Variants in CDRT4 observed in about 807,000 individuals in gnomAD.
CDRT4 encodes CMT1A duplicated region transcript 4 protein.
For missense variants in CDRT4, 167 were observed against 193.1 expected (o/e 0.87, Z 0.80); for synonymous variants, 64 against 69.6 (o/e 0.92, Z 0.40).
At chr17:15,456,846 G>A (rs765866521) in intron 1 of CDRT4, among the ~76,000 whole-genome samples, 13 of 152,036 alleles carry the variant, frequency 8.6e-5, no homozygotes, top group Non-Finnish European at 1.6e-4. Flanking sequence ...ATTGTGCATG[G>A]TGGACCCAAA....
chr17:15,456,674 A>T (rs1396626964), intron 1 of CDRT4, among the ~76,000 whole-genome samples: 1 of 152,068 alleles, frequency 6.6e-6, no homozygotes, highest in Non-Finnish European at 1.5e-5. Flanking sequence ...CACCTGTCAC[A>T]TGCCTGACTT....
intron 1 of CDRT4, among the ~76,000 whole-genome samples, chr17:15,463,614 C>T (rs902346041): frequency 6.6e-6 from 1 of 152,150 alleles, no homozygotes; most frequent in Non-Finnish European, 1.5e-5. Context: ...TTGACTTTCC[C>T]GGCACATTCC....
chr17:15,465,308 CACAG>C (rs962899329), intron 1 of CDRT4, among the ~76,000 whole-genome samples: 6 of 147,424 alleles, frequency 4.1e-5, no homozygotes, highest in South Asian at 2.3e-4. Flanking sequence ...CACACCAACA[CACAG>C]ACACACACAA....
At chr17:15,452,873 T>C (rs1194663086) in intron 2 of CDRT4, 131 bp downstream of exon 2, 2 of 152,106 alleles carry the variant, frequency 1.3e-5, no homozygotes, top group Admixed American at 6.5e-5. Flanking sequence ...TCTCTTTCTC[T>C]TTCTCTCTCT....
At chr17:15,456,342 T>C (rs1979480353) in intron 1 of CDRT4, among the ~76,000 whole-genome samples, 1 of 152,174 alleles carries the variant, frequency 6.6e-6, no homozygotes. Context: ...GTTAGGGTAC[T>C]TGCCTTACAC....
intron 2 of CDRT4, among the ~76,000 whole-genome samples, chr17:15,445,508 CTCAT>C (rs1317336080): frequency 6.6e-6 from 1 of 152,228 alleles, no homozygotes; most frequent in African/African-American, 2.4e-5. Flanking sequence ...CAAGGAATCA[CTCAT>C]TCATTCATTC....
intron 2 of CDRT4, among the ~76,000 whole-genome samples, chr17:15,448,002 G>A (rs1979101244): frequency 6.6e-6 from 1 of 152,270 alleles, no homozygotes; most frequent in African/African-American, 2.4e-5. Context: ...CTCCTGAGCA[G>A]TGTGACTATT....
At chr17:15,453,553 A>T (rs147548008) in intron 1 of CDRT4, among the ~76,000 whole-genome samples, 2 of 152,188 alleles carry the variant, frequency 1.3e-5, no homozygotes, top group African/African-American at 4.8e-5. Context: ...TCCCCAACAA[A>T]GGCCTGGCCT....
Position 15,437,251 on chromosome 17 carries a change from C to T in CDRT4, c.*522G>A, listed in dbSNP as rs967732543. On this transcript the variant is annotated 3_prime_UTR_variant, in exon 4 of 4. Coordinates refer to ENST00000619038, the MANE Select transcript of CDRT4 (RefSeq NM_001204477.2). ...GCTGCATTGAGTGGCATCCCCACTC[C>T]CCCACCTCAGAAGTCTGAGATTCAG... 1 of 163,146 alleles carries T rather than the reference C, an allele frequency of 6.1e-6. No homozygotes were observed. Among genetic ancestry groups the T allele is most frequent in the African/African-American group, 2.4e-5 (1 of 41,548 alleles). 10.1% of individuals were successfully genotyped at this position (163,146 alleles called of 1,614,324 possible). A position where few individuals can be genotyped will look rare whatever the true frequency, so the allele number is the denominator to read the frequency against.
At chr17:15,439,619 T>C (rs191993116) in intron 3 of CDRT4, among the ~76,000 whole-genome samples, 2 of 152,336 alleles carry the variant, frequency 1.3e-5, no homozygotes, top group Admixed American at 6.5e-5. Context: ...CTGAACATGC[T>C]GTGTTCTCTG....
chr17:15,467,064 G>A (rs1349898389), intron 1 of CDRT4, among the ~76,000 whole-genome samples: 2 of 151,316 alleles, frequency 1.3e-5, no homozygotes, highest in Non-Finnish European at 2.9e-5. Context: ...CACCCCCAGG[G>A]GATGGGGGGG....
At chr17:15,439,125 A>C (rs1978636889) in intron 3 of CDRT4, 1 of 456,024 alleles carries the variant, frequency 2.2e-6, no homozygotes, top group Admixed American at 2.3e-5. Context: ...GAAATGATTC[A>C]ATTTCTCTCC....
At chr17:15,438,236 A>C in intron 3 of CDRT4, 36 bp from the exon 4 acceptor site, 1 of 1,591,212 alleles carries the variant, frequency 6.3e-7, no homozygotes, top group Non-Finnish European at 8.6e-7. Flanking sequence ...ATTTAGAGGC[A>C]GTCACATGCA....
intron 1 of CDRT4, among the ~76,000 whole-genome samples, chr17:15,462,176 C>T (rs1394434433): frequency 6.6e-6 from 1 of 151,784 alleles, no homozygotes; most frequent in Non-Finnish European, 1.5e-5. Flanking sequence ...CGCCTGTAAT[C>T]CCAGCACTTT....
At chr17:15,459,620 G>T (rs574162644) in intron 1 of CDRT4, among the ~76,000 whole-genome samples, 2 of 151,582 alleles carry the variant, frequency 1.3e-5, no homozygotes, top group African/African-American at 4.8e-5. Context: ...AATTTTTTTT[G>T]TATTTTTAGT....
chr17:15,466,667 G>T (rs988584438), intron 1 of CDRT4, among the ~76,000 whole-genome samples: 2 of 152,080 alleles, frequency 1.3e-5, no homozygotes, highest in African/African-American at 4.8e-5. Context: ...GGACTCAAGG[G>T]GCCCTCCTGC....
At position 15,436,636 on chromosome 17, in the gene CDRT4, T is replaced by G. The variant is rs1978500627; in HGVS notation, c.*1137A>C. 6.6e-6 allele frequency: 1 copy of G among 152,150 alleles called. No homozygotes were observed. The highest frequency in any genetic ancestry group is 2.4e-5 in the African/African-American group (1 of 41,424). The allele number at this position is 152,150 out of a possible 1,614,324, so 9.4% of individuals were successfully genotyped here. A position where few individuals can be genotyped will look rare whatever the true frequency, so the allele number is the denominator to read the frequency against. ...TGCCAGGAGCTCCTCCCCCAAGCACTTGGTTCCACAAGGCAAACCCCAGAG... is the reference window on the plus strand; with the variant it reads ...TGCCAGGAGCTCCTCCCCCAAGCACGTGGTTCCACAAGGCAAACCCCAGAG... On this transcript the variant is annotated 3_prime_UTR_variant, in exon 4 of 4. Coordinates refer to ENST00000619038, the MANE Select transcript of CDRT4 (RefSeq NM_001204477.2).
chr17:15,448,463 C>G (rs2954774), intron 2 of CDRT4, among the ~76,000 whole-genome samples: 27,639 of 152,136 alleles, frequency 0.18, 4,491 homozygotes, highest in East Asian at 0.48. Flanking sequence ...TCAGGCCTCA[C>G]GTAAACTGAT....
intron 1 of CDRT4, among the ~76,000 whole-genome samples, chr17:15,459,637 A>T (rs1302728535): frequency 6.6e-6 from 1 of 151,524 alleles, no homozygotes; most frequent in Non-Finnish European, 1.5e-5. Context: ...TAGTAGAGAC[A>T]GGGTTTCACT....
Sources: allele counts gnomAD v4.1 joint callset (sites outside exome capture counted in the v4.1 genomes callset), GRCh38; gene constraint gnomAD v4.1.1; transcripts MANE v1.5; gene names NCBI Gene and HGNC (gene_info 2026-07-23, HGNC 2026-07-21).